FNBP4: variants seen among roughly 807,000 people sequenced by gnomAD.
FNBP4 encodes formin-binding protein 4.
FNBP4 carries 34 observed loss-of-function variants against 119.3 expected under a neutral mutation model. The ratio of observed to expected loss-of-function variants is 0.28; its 90% CI spans 0.22 to 0.38. FNBP4 has a LOEUF of 0.38. Ranked by LOEUF, FNBP4 falls within the 10% of genes least tolerant of loss-of-function variation. The pLI, the probability that FNBP4 is intolerant of heterozygous loss-of-function variation, is 1.00. For missense variants in FNBP4, 1,112 were observed against 1,228.9 expected (o/e 0.90, Z 1.42); for synonymous variants, 462 against 430.6 (o/e 1.07, Z -0.90).
intron 16 of FNBP4, 130 bp downstream of exon 16, chr11:47,719,799 A>G: frequency 1.0e-6 from 1 of 992,644 alleles, no homozygotes; most frequent in South Asian, 2.0e-5. Flanking sequence ...CCTTTAGATA[A>G]ATTTACAAGC....
At chr11:47,746,010 T>G (rs2097589463) in intron 7 of FNBP4, 46 bp downstream of exon 7, 1 of 1,444,042 alleles carries the variant, frequency 6.9e-7, no homozygotes. Context: ...CCCTGTAGAG[T>G]AGTACTGAGG....
At chr11:47,731,898 C>G in intron 11 of FNBP4, 2 of 1,021,990 alleles carry the variant, frequency 2.0e-6, no homozygotes, top group Non-Finnish European at 2.3e-6. Flanking sequence ...GCCTAGAACA[C>G]TAATTTCCCT....
At chr11:47,730,936 C>T (rs1381703801) in intron 12 of FNBP4, among the ~76,000 whole-genome samples, 1 of 152,078 alleles carries the variant, frequency 6.6e-6, no homozygotes, top group Non-Finnish European at 1.5e-5. Context: ...TTGTACCAAC[C>T]ACGCTTTTTG....
chr11:47,746,329 C>T lies in FNBP4; in HGVS notation c.972G>A (p.Ser324=), dbSNP rs376370523. 3.4e-5 allele frequency: 55 copies of T among 1,613,894 alleles called. No individual in the cohort carries two copies. The highest frequency in any genetic ancestry group is 4.0e-5 in the African/African-American group (3 of 74,922). The part of the protein sequence containing the change: ...SEEEKKGVAA[S]LLAPLLPEGI... ...CCTCAGGCAATAAAGGAGCAAGCAG[C>T]GATGCTGCCACCCCTTTCTTCTCCT... is the stretch of plus-strand genomic sequence containing the variant. Residue 324 remains serine (S), a synonymous_variant, in exon 7 of 17, where the codon TCG becomes TCA. Transcript: ENST00000263773.
chr11:47,723,903 A>C, intron 14 of FNBP4, 125 bp downstream of exon 14: 1 of 855,012 alleles, frequency 1.2e-6, no homozygotes, highest in Non-Finnish European at 1.7e-6. Flanking sequence ...TTTAAGTAAA[A>C]TAAATGCATA....
At chr11:47,742,727 A>T (rs1051151119) in intron 8 of FNBP4, among the ~76,000 whole-genome samples, 3 of 150,104 alleles carry the variant, frequency 2.0e-5, no homozygotes, top group African/African-American at 7.3e-5. Flanking sequence ...ATCTCTACTG[A>T]AAAATACAAA....
At chr11:47,765,896 C>T (rs1233638474) in intron 1 of FNBP4, among the ~76,000 whole-genome samples, 1 of 106,040 alleles carries the variant, frequency 9.4e-6, no homozygotes, top group African/African-American at 3.4e-5. Context: ...TCTTGTCGCC[C>T]AGGCTGGTCA....
intron 12 of FNBP4, among the ~76,000 whole-genome samples, chr11:47,731,035 A>G (rs1288096913): frequency 6.6e-6 from 1 of 152,228 alleles, no homozygotes; most frequent in Non-Finnish European, 1.5e-5. Context: ...CATGCCACAT[A>G]TATTGACAGT....
intron 9 of FNBP4, 33 bp from the exon 10 acceptor site, chr11:47,734,162 G>C: frequency 8.2e-7 from 1 of 1,225,658 alleles, no homozygotes; most frequent in Non-Finnish European, 1.2e-6. Context: ...AGTAAAACTA[G>C]AATCCGTAAC....
intron 12 of FNBP4, among the ~76,000 whole-genome samples, chr11:47,728,489 C>T (rs917542968): frequency 4.6e-5 from 7 of 152,022 alleles, no homozygotes; most frequent in Admixed American, 1.3e-4. Flanking sequence ...AAGTGATCTG[C>T]GCGCCTTGGC....
At chr11:47,760,104 G>A (rs935531951) in intron 2 of FNBP4, among the ~76,000 whole-genome samples, 14 of 152,154 alleles carry the variant, frequency 9.2e-5, no homozygotes, top group Non-Finnish European at 1.3e-4. Flanking sequence ...AGGCAAAATC[G>A]GCTCTGCCTA....
At chr11:47,724,906 A>G (rs761225703) in intron 12 of FNBP4, 128 bp from the exon 13 acceptor site, 3 of 1,340,446 alleles carry the variant, frequency 2.2e-6, no homozygotes, top group Non-Finnish European at 2.9e-6. Context: ...AAAACAATAC[A>G]GAATGTGGTG....
At chr11:47,720,711 TAC>T (rs1282498575) in intron 15 of FNBP4, among the ~76,000 whole-genome samples, 1 of 150,934 alleles carries the variant, frequency 6.6e-6, no homozygotes, top group African/African-American at 2.4e-5. Flanking sequence ...GTCTCAGAAT[TAC>T]AGTGTTCCCG....
chr11:47,754,719 A>C, intron 2 of FNBP4, 55 bp from the exon 3 acceptor site: 2 of 1,571,686 alleles, frequency 1.3e-6, no homozygotes, highest in East Asian at 2.3e-5. Flanking sequence ...ATGTCCTAAG[A>C]AGCATCTAAA....
Position 47,765,303 on chromosome 11 carries a change from T to A in FNBP4, c.280A>T (p.Met94Leu). 1 of 1,612,640 alleles carries A rather than the reference T, an allele frequency of 6.2e-7. No individual in the cohort carries two copies. The highest frequency in any genetic ancestry group is 8.5e-7 in the Non-Finnish European group (1 of 1,179,570). Residue 94 changes from methionine (M) to leucine (L), a missense_variant, in exon 2 of 17, where the codon ATG becomes TTG. Physicochemically the swap from Met to Leu is conservative, Grantham distance 15. Transcript: ENST00000263773. The part of the protein sequence containing the change: ...RVVQNPPKPV[M>L]TTRPTAVKAT... ...TTAACAGCTGTGGGTCTAGTGGTCA[T>A]GACTGGTTTTGGAGGATTCTGAACA... is the stretch of plus-strand genomic sequence containing the variant.
Position 47,767,245 on chromosome 11 carries a change from A to C in FNBP4, c.44T>G (p.Leu15Arg), listed in dbSNP as rs1431378329. The C allele has an allele frequency of 6.4e-7, 1 of 1,569,140 alleles. No individual in the cohort carries two copies. Among genetic ancestry groups the C allele is most frequent in the African/African-American group, 1.4e-5 (1 of 73,052 alleles). ...SRAVPGRRPI[L>R]QLSPPGPRGS... Reference sequence around the variant, plus strand: ...CCGAGGACCCGGCGGAGAGAGTTGCAGGATGGGCCTACGGCCGGGTACCGC... The same window carrying C: ...CCGAGGACCCGGCGGAGAGAGTTGCCGGATGGGCCTACGGCCGGGTACCGC... The change falls in exon 1 of 17, where the codon CTG becomes CGG. Residue 15 changes from leucine (L) to arginine (R), a missense_variant. This residue lies in a region of FNBP4 where 286 missense variants were observed against 240.1 expected (regional missense o/e 1.19). Coordinates refer to ENST00000263773, the MANE Select transcript of FNBP4 (RefSeq NM_015308.5).
intron 12 of FNBP4, among the ~76,000 whole-genome samples, chr11:47,727,558 T>C (rs1041572161): frequency 3.3e-5 from 5 of 152,126 alleles, no homozygotes; most frequent in Non-Finnish European, 7.4e-5. Flanking sequence ...GCTTTTGTAC[T>C]TCATAAGCAC....
intron 2 of FNBP4, among the ~76,000 whole-genome samples, chr11:47,758,490 C>T (rs1433594820): frequency 6.6e-6 from 1 of 152,102 alleles, no homozygotes; most frequent in East Asian, 1.9e-4. Context: ...GTGTGAGCCA[C>T]CTCGTCTGAC....
Position 47,751,212 on chromosome 11 carries a change from T to C in FNBP4, c.716A>G (p.Asn239Ser). 1.2e-6 allele frequency: 2 copies of C among 1,614,186 alleles called. No homozygotes were observed. Among genetic ancestry groups the C allele is most frequent in the Non-Finnish European group, 1.7e-6 (2 of 1,180,026 alleles). Reference protein sequence around the residue: ...GCYYYWNTQTNEVTWELPQYL... With the variant: ...GCYYYWNTQTSEVTWELPQYL... ...TTGGGGTAACTCCCAAGTCACTTCATTTGTTTGTGTATTCCAATAATAATA... is the reference window on the plus strand; with the variant it reads ...TTGGGGTAACTCCCAAGTCACTTCACTTGTTTGTGTATTCCAATAATAATA... Residue 239 changes from asparagine to serine, a missense_variant, in exon 5 of 17, where the codon AAT becomes AGT. Coordinates refer to ENST00000263773, the MANE Select transcript of FNBP4 (RefSeq NM_015308.5).
Sources: gnomAD v4.1 joint callset for allele counts (sites outside exome capture counted in the v4.1 genomes callset) on GRCh38, gnomAD v4.1.1 for gene constraint, gnomAD v4.1.1 regional missense constraint, MANE v1.5 for transcripts, NCBI Gene and HGNC (gene_info 2026-07-23, HGNC 2026-07-21) for gene names.